The following ELF2 variants were observed in gnomAD, a reference collection of about 807,000 sequenced individuals.
ELF2 encodes the protein ETS-related transcription factor Elf-2.
ELF2 carries 11 observed loss-of-function variants against 54.8 expected under a neutral mutation model. The ratio of observed to expected loss-of-function variants is 0.20; its 90% CI spans 0.13 to 0.33. ELF2 has a LOEUF of 0.33. ELF2 is among the 10% of genes least tolerant of loss of function. The probability of loss-of-function intolerance (pLI) is 1.00; values close to 1 mark genes in which losing one functional copy is unlikely to be tolerated. For missense variants in ELF2, 513 were observed against 703.0 expected (o/e 0.73, Z 3.06); for synonymous variants, 203 against 245.1 (o/e 0.83, Z 1.61).
At chr4:139,074,610 A>G (rs1730010657) in intron 4 of ELF2, among the ~76,000 whole-genome samples, 1 of 151,886 alleles carries the variant, frequency 6.6e-6, no homozygotes. Context: ...AAACATAAAA[A>G]TTAGCCGGGC....
chr4:139,148,124 C>T (rs1578925181), intron 1 of ELF2, among the ~76,000 whole-genome samples: 2 of 149,388 alleles, frequency 1.3e-5, no homozygotes, highest in East Asian at 3.9e-4. Context: ...AATTAATGTA[C>T]TTTCTATCTC....
chr4:139,166,695 C>T (rs1314386030), intron 1 of ELF2, among the ~76,000 whole-genome samples: 5 of 152,006 alleles, frequency 3.3e-5, no homozygotes, highest in Non-Finnish European at 7.4e-5. Flanking sequence ...AGTGAAACCC[C>T]ATCTCTACTA....
upstream of ELF2, chr4:139,177,244 C>G (rs1743055966): frequency 6.7e-6 from 1 of 149,258 alleles, no homozygotes; most frequent in East Asian, 2.0e-4. Context: ...GCTCCGCTCC[C>G]GGCCCCCTCC....
chr4:139,088,861 C>G (rs1296804443), intron 4 of ELF2, among the ~76,000 whole-genome samples: 1 of 152,072 alleles, frequency 6.6e-6, no homozygotes, highest in Admixed American at 6.5e-5. Flanking sequence ...CAGGTTCAAG[C>G]GAGTCTCCTA....
At chr4:139,084,539 C>A in intron 4 of ELF2, 1 of 575,312 alleles carries the variant, frequency 1.7e-6, no homozygotes, top group Non-Finnish European at 2.2e-6. Flanking sequence ...CGGACGCTTG[C>A]TCCAGAGAGC....
At chr4:139,150,552 A>T (rs1434927841) in intron 1 of ELF2, among the ~76,000 whole-genome samples, 1 of 151,678 alleles carries the variant, frequency 6.6e-6, no homozygotes, top group Non-Finnish European at 1.5e-5. Context: ...GTGAATGAGC[A>T]AAGGGCAAAA....
At chr4:139,113,983 T>C (rs1735258935) in intron 4 of ELF2, among the ~76,000 whole-genome samples, 2 of 152,320 alleles carry the variant, frequency 1.3e-5, no homozygotes, top group African/African-American at 4.8e-5. Flanking sequence ...GTAAAACATA[T>C]ATTCAAGTGC....
At chr4:139,069,179 A>G (rs958017814) in intron 6 of ELF2, among the ~76,000 whole-genome samples, 1 of 152,082 alleles carries the variant, frequency 6.6e-6, no homozygotes, top group African/African-American at 2.4e-5. Context: ...ATATTTTAGG[A>G]TCAAATATAT....
chr4:139,140,754 A>G (rs1431298118), intron 1 of ELF2, among the ~76,000 whole-genome samples: 1 of 139,266 alleles, frequency 7.2e-6, no homozygotes, highest in Non-Finnish European at 1.6e-5. Context: ...ACCCTGTCTC[A>G]AAAAAAAAAA....
intron 7 of ELF2, 124 bp from the exon 8 acceptor site, chr4:139,062,181 T>TA (rs1727964613): frequency 9.3e-7 from 1 of 1,079,520 alleles, no homozygotes; most frequent in South Asian, 1.7e-5. Context: ...CTACTTTTTT[T>TA]TTTTTTGGAG....
intron 1 of ELF2, among the ~76,000 whole-genome samples, chr4:139,171,533 C>T (rs1407375582): frequency 6.6e-6 from 1 of 151,922 alleles, no homozygotes; most frequent in African/African-American, 2.4e-5. Flanking sequence ...TGAAAAGATG[C>T]TCAATACTAT....
intron 4 of ELF2, among the ~76,000 whole-genome samples, chr4:139,092,500 C>CT (rs1461800255): frequency 2.0e-5 from 3 of 150,096 alleles, no homozygotes; most frequent in Non-Finnish European, 3.0e-5. Context: ...GCTCACACCT[C>CT]TAATCCCACC....
intron 1 of ELF2, among the ~76,000 whole-genome samples, chr4:139,142,880 A>G (rs1285885039): frequency 6.6e-6 from 1 of 150,818 alleles, no homozygotes; most frequent in African/African-American, 2.4e-5. Flanking sequence ...AAAAAAAAAA[A>G]GTGATCAATC....
At chr4:139,164,172 GAA>G (rs1268302209) in intron 1 of ELF2, among the ~76,000 whole-genome samples, 1 of 144,388 alleles carries the variant, frequency 6.9e-6, no homozygotes, top group Admixed American at 7.1e-5. Context: ...GGAAAAGAAA[GAA>G]AGAAAGAGAG....
intron 6 of ELF2, among the ~76,000 whole-genome samples, chr4:139,068,024 T>G (rs956652368): frequency 6.6e-6 from 1 of 152,042 alleles, no homozygotes; most frequent in South Asian, 2.1e-4. Context: ...GAGCCTTGAT[T>G]TGCCAATCTT....
At chr4:139,157,993 G>C (rs1011564093) in intron 1 of ELF2, among the ~76,000 whole-genome samples, 2 of 152,238 alleles carry the variant, frequency 1.3e-5, no homozygotes, top group Non-Finnish European at 2.9e-5. Context: ...TCCGTGTGAA[G>C]AGACCACCAA....
intron 4 of ELF2, among the ~76,000 whole-genome samples, chr4:139,123,495 T>A (rs1217735135): frequency 2.0e-5 from 3 of 152,184 alleles, no homozygotes; most frequent in Non-Finnish European, 4.4e-5. Context: ...TACATTCGCT[T>A]CCTATTCTGA....
intron 4 of ELF2, among the ~76,000 whole-genome samples, chr4:139,105,606 C>G (rs1396122503): frequency 6.6e-6 from 1 of 152,178 alleles, no homozygotes; most frequent in African/African-American, 2.4e-5. Context: ...TGATCCTGGC[C>G]AGGCACTGTG....
rs1337957972 is a variant in ELF2, at chr4:139,058,664, C to T, written c.*319G>A. ...CCTCCCACTGAAAACTATATAACCT[C>T]TTACAGAATGTTAGTGTTCCAAGTC... On this transcript the variant is annotated 3_prime_UTR_variant, in exon 10 of 10. Coordinates refer to ENST00000686138, the MANE Select transcript of ELF2 (RefSeq NM_001331036.3). 5 of 249,942 alleles carry T rather than the reference C, an allele frequency of 2.0e-5. No individual in the cohort carries two copies. The allele number at this position is 249,942 out of a possible 1,614,324, so 15.5% of individuals were successfully genotyped here.
Sources: allele counts gnomAD v4.1 joint callset (sites outside exome capture counted in the v4.1 genomes callset), GRCh38; gene constraint gnomAD v4.1.1; transcripts MANE v1.5; gene names NCBI Gene and HGNC (gene_info 2026-07-23, HGNC 2026-07-21).